LARGE1: variants seen among roughly 807,000 people sequenced by gnomAD.
The protein encoded by LARGE1 is LARGE xylosyl- and glucuronyltransferase 1.
In LARGE1, 43 loss-of-function variants were observed where a neutral mutation model predicts 87.6. The ratio of observed to expected loss-of-function variants is 0.49; its 90% CI spans 0.38 to 0.63. The LOEUF (loss-of-function observed/expected upper bound fraction) is 0.63, where lower values mean the gene tolerates loss of function less well. LARGE1 is among the 30% of genes least tolerant of loss of function. LARGE1 has a pLI of 0.00. For synonymous variants in LARGE1, 434 were observed against 394.6 expected (o/e 1.10, Z -1.18); for missense variants, 802 against 1,000.2 (o/e 0.80, Z 2.67).
At chr22:33,790,264 G>A (rs751123936) in intron 1 of LARGE1, among the ~76,000 whole-genome samples, 15 of 152,156 alleles carry the variant, frequency 9.9e-5, no homozygotes, top group Non-Finnish European at 1.9e-4. Flanking sequence ...CCATGATTGT[G>A]AGGCCTGCCC....
At chr22:33,398,643 G>GA (rs1369571219) in intron 7 of LARGE1, among the ~76,000 whole-genome samples, 11 of 152,166 alleles carry the variant, frequency 7.2e-5, no homozygotes, top group Admixed American at 7.2e-4. Context: ...TCCAAGTCCT[G>GA]ACCCCCAATA....
intron 9 of LARGE1, among the ~76,000 whole-genome samples, chr22:33,360,482 T>C (rs2064347138): frequency 1.3e-5 from 2 of 149,598 alleles, no homozygotes; most frequent in Admixed American, 6.6e-5. Flanking sequence ...ACATGTCTTA[T>C]GTGGGCCAGA....
At chr22:33,859,789 A>C (rs1174788560) in intron 1 of LARGE1, among the ~76,000 whole-genome samples, 1 of 152,254 alleles carries the variant, frequency 6.6e-6, no homozygotes, top group Non-Finnish European at 1.5e-5. Flanking sequence ...TGTGGCATAC[A>C]TATAAAGTAG....
chr22:33,803,992 T>C (rs1035899987), intron 1 of LARGE1, among the ~76,000 whole-genome samples: 1 of 152,230 alleles, frequency 6.6e-6, no homozygotes, highest in African/African-American at 2.4e-5. Flanking sequence ...GCAGGCCTGT[T>C]GAAGGATGGC....
At chr22:33,783,846 G>A (rs924660903) in intron 1 of LARGE1, among the ~76,000 whole-genome samples, 2 of 152,140 alleles carry the variant, frequency 1.3e-5, no homozygotes, top group African/African-American at 4.8e-5. Flanking sequence ...TTGACCACCA[G>A]GCTCTACTGG....
intron 2 of LARGE1, among the ~76,000 whole-genome samples, chr22:33,734,438 G>A (rs1293132259): frequency 2.6e-5 from 4 of 152,220 alleles, no homozygotes; most frequent in Non-Finnish European, 1.5e-5. Flanking sequence ...GTGCAGAGGT[G>A]AGGGATGACA....
chr22:33,568,834 AGATGGATGGATG>A (rs960879660), intron 5 of LARGE1, among the ~76,000 whole-genome samples: 1 of 151,372 alleles, frequency 6.6e-6, no homozygotes, highest in Non-Finnish European at 1.5e-5. Context: ...TATCTGGAAC[AGATGGATGGATG>A]GATGGATGAA....
intron 7 of LARGE1, among the ~76,000 whole-genome samples, chr22:33,401,749 T>C (rs1182113646): frequency 1.3e-5 from 2 of 152,192 alleles, no homozygotes; most frequent in Non-Finnish European, 2.9e-5. Context: ...AAGGGTGCGA[T>C]AAAACCAACC....
chr22:33,645,581 A>T (rs2080583557), intron 3 of LARGE1, among the ~76,000 whole-genome samples: 1 of 152,230 alleles, frequency 6.6e-6, no homozygotes, highest in South Asian at 2.1e-4. Context: ...ACAAAAGCCA[A>T]AATTGACAAA....
At chr22:33,115,079 G>A in the LARGE1 span, among the ~76,000 whole-genome samples, 1 of 152,040 alleles carries the variant, frequency 6.6e-6, no homozygotes, top group Non-Finnish European at 1.5e-5. Flanking sequence ...ATGAATGTTT[G>A]GTGTGTGTCG....
chr22:33,579,784 A>T (rs192159952), intron 5 of LARGE1, among the ~76,000 whole-genome samples: 322 of 152,244 alleles, frequency 2.1e-3, no homozygotes, highest in African/African-American at 7.5e-3. Flanking sequence ...GTACCAAGTG[A>T]TTCTTAGGTG....
intron 11 of LARGE1, among the ~76,000 whole-genome samples, chr22:33,232,184 C>T (rs561246491): frequency 1.3e-5 from 2 of 152,226 alleles, no homozygotes; most frequent in African/African-American, 4.8e-5. Context: ...CAAAGTCTTA[C>T]AGCTGTTTCT....
chr22:33,351,353 T>C (rs1940358226), intron 9 of LARGE1, among the ~76,000 whole-genome samples: 1 of 152,216 alleles, frequency 6.6e-6, no homozygotes, highest in Non-Finnish European at 1.5e-5. Flanking sequence ...CATGGCGCTC[T>C]CAAATATTGA....
chr22:33,263,483 T>C (rs773340525), intron 11 of LARGE1, among the ~76,000 whole-genome samples: 11 of 152,192 alleles, frequency 7.2e-5, no homozygotes, highest in Non-Finnish European at 1.2e-4. Flanking sequence ...CTCTAGGAGC[T>C]GAGAAAAGTC....
intron 2 of LARGE1, among the ~76,000 whole-genome samples, chr22:33,688,357 T>C (rs1323942159): frequency 6.6e-6 from 1 of 152,112 alleles, no homozygotes; most frequent in Non-Finnish European, 1.5e-5. Flanking sequence ...ACTGTTTATT[T>C]TTTCTTTTTT....
intron 4 of LARGE1, among the ~76,000 whole-genome samples, chr22:33,611,458 G>A (rs1330318569): frequency 2.0e-5 from 3 of 152,324 alleles, no homozygotes; most frequent in Admixed American, 2.0e-4. Flanking sequence ...AGACTTGTGT[G>A]GGGGCCTGTA....
At chr22:33,206,986 G>A (rs1924719433) in intron 11 of LARGE1, among the ~76,000 whole-genome samples, 1 of 152,102 alleles carries the variant, frequency 6.6e-6, no homozygotes, top group African/African-American at 2.4e-5. Flanking sequence ...GTGCAGAACT[G>A]CCTTGCATAC....
intron 11 of LARGE1, among the ~76,000 whole-genome samples, chr22:33,182,769 A>G (rs1923239519): frequency 6.6e-6 from 1 of 152,206 alleles, no homozygotes; most frequent in Admixed American, 6.5e-5. Flanking sequence ...CACATGCAGA[A>G]GAATGAAATT....
intron 3 of LARGE1, among the ~76,000 whole-genome samples, chr22:33,649,745 A>G (rs1298033191): frequency 6.6e-6 from 1 of 152,242 alleles, no homozygotes; most frequent in Non-Finnish European, 1.5e-5. Context: ...GAATGAGTGT[A>G]TGTGTGTTCA....
Sources: gnomAD v4.1 joint callset for allele counts (sites outside exome capture counted in the v4.1 genomes callset) on GRCh38, gnomAD v4.1.1 for gene constraint, MANE v1.5 for transcripts, NCBI Gene and HGNC (gene_info 2026-07-23, HGNC 2026-07-21) for gene names.